PAFAH1B1: variants seen among roughly 807,000 people sequenced by gnomAD.
The protein encoded by PAFAH1B1 is platelet activating factor acetylhydrolase 1b regulatory subunit 1.
In PAFAH1B1, 2 loss-of-function variants were observed where a neutral mutation model predicts 57.5. That is an observed-to-expected ratio of 0.03 (90% CI 0.01 to 0.11). PAFAH1B1 has a LOEUF of 0.11. Among genes scored for constraint, PAFAH1B1 ranks in the 10% least tolerant of loss-of-function variants. PAFAH1B1 has a pLI of 1.00. For synonymous variants in PAFAH1B1, 152 were observed against 169.6 expected (o/e 0.90, Z 0.81); for missense variants, 257 against 512.0 (o/e 0.50, Z 4.81).
intron 2 of PAFAH1B1, among the ~76,000 whole-genome samples, chr17:2,659,223 A>G (rs938722698): frequency 6.7e-5 from 10 of 148,312 alleles, no homozygotes; most frequent in Non-Finnish European, 1.0e-4. Context: ...TGCAGCCTGG[A>G]TGACAGAATA....
intron 1 of PAFAH1B1, among the ~76,000 whole-genome samples, chr17:2,623,633 T>C (rs1393142171): frequency 6.6e-6 from 1 of 151,044 alleles, no homozygotes; most frequent in Admixed American, 6.6e-5. Flanking sequence ...CTTCCCCGTT[T>C]TTTTTTTTTT....
chr17:2,619,307 A>G (rs2068388751), intron 1 of PAFAH1B1, among the ~76,000 whole-genome samples: 1 of 152,008 alleles, frequency 6.6e-6, no homozygotes, highest in African/African-American at 2.4e-5. Flanking sequence ...TGTACCAACC[A>G]CCACACCCGG....
chr17:2,623,283 T>TC (rs1251663484), intron 1 of PAFAH1B1, among the ~76,000 whole-genome samples: 2 of 68,660 alleles, frequency 2.9e-5, no homozygotes, highest in Admixed American at 3.0e-4. Context: ...TTTTTTTTTT[T>TC]CCCTGAGAGG....
intron 1 of PAFAH1B1, among the ~76,000 whole-genome samples, chr17:2,603,741 CTTTTT>C (rs540782310): frequency 6.9e-6 from 1 of 144,366 alleles, no homozygotes; most frequent in Non-Finnish European, 1.5e-5. Flanking sequence ...TCTCCAGATT[CTTTTT>C]TTTTTTTTTC....
chr17:2,669,873 C>A (rs947584327), intron 5 of PAFAH1B1, among the ~76,000 whole-genome samples: 2 of 151,960 alleles, frequency 1.3e-5, no homozygotes, highest in Non-Finnish European at 2.9e-5. Context: ...AGACAGGGAG[C>A]GGACTATGTC....
In PAFAH1B1 at chr17:2,681,540, G is replaced by T. The variant is rs145990395; in HGVS notation, c.1160-189G>T. 1,992 of 572,316 alleles carry T rather than the reference G, an allele frequency of 3.5e-3. 34 individuals are homozygous for T. The highest frequency in any genetic ancestry group is 0.033 in the African/African-American group (1,744 of 53,296). 35.5% of individuals were successfully genotyped at this position (572,316 alleles called of 1,614,324 possible). A position where few individuals can be genotyped will look rare whatever the true frequency, so the allele number is the denominator to read the frequency against. ...GAGTGCAGTGGTGCAGTCATGGCTC[G>T]CTGCAGCCTCGACTTCCCAGCTCAA... On this transcript the variant is annotated intron_variant, in intron 10 of 10. Coordinates refer to ENST00000397195, the MANE Select transcript of PAFAH1B1 (RefSeq NM_000430.4).
In PAFAH1B1 at chr17:2,651,415, A is replaced by G. The variant is rs1192368143; in HGVS notation, c.32+13095A>G. Among the ~76,000 whole-genome samples the G allele has an allele frequency of 6.7e-4, 81 of 121,190 alleles. 1 individual carries two copies. The highest frequency in any genetic ancestry group is 6.4e-3 in the Admixed American group (81 of 12,600). The allele number at this position is 121,190 out of a possible 152,430, so 79.5% of individuals were successfully genotyped here. A position where few individuals can be genotyped will look rare whatever the true frequency, so the allele number is the denominator to read the frequency against. On this transcript the variant is annotated intron_variant, in intron 2 of 10. Coordinates refer to ENST00000397195, the MANE Select transcript of PAFAH1B1 (RefSeq NM_000430.4). The stretch of plus-strand genomic sequence containing the variant: ...AACATGGCAAAACCCCGTCTCTACA[A>G]AAAAAAAAAAAAAAAAAAATTAGCT...
Position 2,638,171 on chromosome 17 carries a change from C to T in PAFAH1B1, c.-118C>T. The T allele has an allele frequency of 1.4e-6, 1 of 713,960 alleles. No individual in the cohort carries two copies. Among genetic ancestry groups the T allele is most frequent in the South Asian group, 1.7e-5 (1 of 58,494 alleles). 44.2% of individuals were successfully genotyped at this position (713,960 alleles called of 1,614,324 possible). A position where few individuals can be genotyped will look rare whatever the true frequency, so the allele number is the denominator to read the frequency against. On this transcript the variant is annotated 5_prime_UTR_variant, in exon 2 of 11. Coordinates refer to ENST00000397195, the MANE Select transcript of PAFAH1B1 (RefSeq NM_000430.4). ...TCATTTGTGAAAGAATCATTTTCCC[C>T]TGTGTGGAAGACACTTAGTGGCATA...
At chr17:2,653,754 A>G (rs1258371906) in intron 2 of PAFAH1B1, among the ~76,000 whole-genome samples, 3 of 152,198 alleles carry the variant, frequency 2.0e-5, no homozygotes, top group South Asian at 2.1e-4. Flanking sequence ...AAAAACAGCT[A>G]TATATTTTCA....
At chr17:2,623,076 A>C (rs1236859629) in intron 1 of PAFAH1B1, among the ~76,000 whole-genome samples, 1 of 152,100 alleles carries the variant, frequency 6.6e-6, no homozygotes, top group Non-Finnish European at 1.5e-5. Flanking sequence ...GGCCCAGCTC[A>C]TGAAACCACT....
chr17:2,598,138 A>G (rs2068104570), intron 1 of PAFAH1B1, among the ~76,000 whole-genome samples: 1 of 152,096 alleles, frequency 6.6e-6, no homozygotes, highest in Admixed American at 6.6e-5. Flanking sequence ...AGTTCCAGCT[A>G]CTGGGGAGAC....
At chr17:2,598,191 A>G (rs1320578493) in intron 1 of PAFAH1B1, among the ~76,000 whole-genome samples, 4 of 152,048 alleles carry the variant, frequency 2.6e-5, no homozygotes, top group Admixed American at 1.3e-4. Flanking sequence ...GGAGGTTGCA[A>G]TGAGCCGAGA....
At chr17:2,603,394 G>A (rs954602395) in intron 1 of PAFAH1B1, among the ~76,000 whole-genome samples, 13 of 152,178 alleles carry the variant, frequency 8.5e-5, no homozygotes, top group African/African-American at 2.7e-4. Flanking sequence ...GCCGAGGCAG[G>A]TGGATCACCT....
chr17:2,671,992 G>A (rs1255629886), intron 6 of PAFAH1B1, among the ~76,000 whole-genome samples: 9 of 151,998 alleles, frequency 5.9e-5, no homozygotes, highest in Admixed American at 5.9e-4. Context: ...TAGAAGCTAG[G>A]CACAGTGGCT....
At chr17:2,595,238 G>A (rs965230649) in intron 1 of PAFAH1B1, among the ~76,000 whole-genome samples, 1 of 152,084 alleles carries the variant, frequency 6.6e-6, no homozygotes, top group Non-Finnish European at 1.5e-5. Context: ...CACAGTCTTG[G>A]AGTTTCATAA....
intron 1 of PAFAH1B1, among the ~76,000 whole-genome samples, chr17:2,617,911 G>C (rs184653583): frequency 6.8e-6 from 1 of 148,040 alleles, no homozygotes; most frequent in Admixed American, 6.8e-5. Context: ...GCAACAGAGC[G>C]AGACTCAGTC....
chr17:2,597,920 G>C (rs1057304711), intron 1 of PAFAH1B1, among the ~76,000 whole-genome samples: 1 of 151,878 alleles, frequency 6.6e-6, no homozygotes, highest in Admixed American at 6.6e-5. Flanking sequence ...TTGTGAATAA[G>C]TCATGGATGC....
chr17:2,679,528 G>A (rs551386924), intron 9 of PAFAH1B1, among the ~76,000 whole-genome samples: 4 of 124,784 alleles, frequency 3.2e-5, no homozygotes, highest in Admixed American at 8.1e-5. Flanking sequence ...ATGGATGATT[G>A]GATGGATGGA....
intron 1 of PAFAH1B1, among the ~76,000 whole-genome samples, chr17:2,632,565 T>C (rs1329885767): frequency 1.3e-5 from 2 of 152,224 alleles, no homozygotes; most frequent in African/African-American, 2.4e-5. Context: ...TTCTTTAACG[T>C]ACAGTTGGCC....
Sources: allele counts gnomAD v4.1 joint callset (sites outside exome capture counted in the v4.1 genomes callset), GRCh38; gene constraint gnomAD v4.1.1; transcripts MANE v1.5; gene names NCBI Gene and HGNC (gene_info 2026-07-23, HGNC 2026-07-21).